The following DIPK2B variants were observed in gnomAD, a reference collection of about 807,000 sequenced individuals.
DIPK2B encodes UPF0672 protein CXorf36.
Under a neutral mutation model 22.2 loss-of-function variants are expected in DIPK2B, and 15 were observed. The observed-to-expected ratio is 0.68, with a 90% CI of 0.45 to 1.04. The LOEUF (loss-of-function observed/expected upper bound fraction) is 1.04, where lower values mean the gene tolerates loss of function less well. Ranked by LOEUF, DIPK2B falls within the 50% of genes least tolerant of loss-of-function variation. The pLI is 0.00. For synonymous variants in DIPK2B, 163 were observed against 153.2 expected, an observed-to-expected ratio of 1.06 and a Z score of -0.47; for missense variants, 345 against 348.3, an observed-to-expected ratio of 0.99 and a Z score of 0.08.
At chrX:45,157,675 T>C in intron 3 of DIPK2B, 40 bp downstream of exon 3, 3 of 1,147,822 alleles carry the variant, frequency 2.6e-6, no homozygotes, top group Non-Finnish European at 2.3e-6. Flanking sequence ...GAGTCCAAGA[T>C]TGACCCCCAA....
intron 2 of DIPK2B, among the ~76,000 whole-genome samples, chrX:45,159,204 T>C (rs1020888743): frequency 2.7e-5 from 3 of 111,467 alleles, no homozygotes; most frequent in Non-Finnish European, 5.7e-5. Context: ...TAAATGAAGG[T>C]ATCTCTGGGA....
At chrX:45,166,614 A>G (rs1317630068) in intron 2 of DIPK2B, among the ~76,000 whole-genome samples, 1 of 111,823 alleles carries the variant, frequency 8.9e-6, no homozygotes, top group Admixed American at 9.5e-5. Flanking sequence ...TTCCATCTTA[A>G]TTGTCCAACT....
intron 1 of DIPK2B, among the ~76,000 whole-genome samples, chrX:45,196,409 A>C (rs2047239599): frequency 9.0e-6 from 1 of 111,602 alleles, no homozygotes; most frequent in Non-Finnish European, 1.9e-5. Context: ...TGATGTGAAG[A>C]AGTGAGTTAA....
At chrX:45,199,751 C>T (rs1434834885) in intron 1 of DIPK2B, among the ~76,000 whole-genome samples, 2 of 111,006 alleles carry the variant, frequency 1.8e-5, no homozygotes, top group Non-Finnish European at 3.8e-5. Context: ...ATAACATGAC[C>T]CCCTTGTCCT....
At chrX:45,198,715 A>G (rs1181126719) in intron 1 of DIPK2B, among the ~76,000 whole-genome samples, 1 of 111,271 alleles carries the variant, frequency 9.0e-6, no homozygotes, top group East Asian at 2.8e-4. Flanking sequence ...TTTAAAAAAT[A>G]TGTCTGCCTT....
Position 45,149,433 on chromosome X carries a change from G to A in DIPK2B, c.*2219C>T. On this transcript the variant is annotated 3_prime_UTR_variant, in exon 5 of 5. Transcript: ENST00000398000. ...TTTCAAAGCGTCTCAGGCAGCCCAA[G>A]CTTGCTGGCCAGTCCACAAGCTTGG... The A allele has an allele frequency of 8.8e-6, 1 of 113,107 alleles. No individual in the cohort carries two copies. The allele number at this position is 113,107 out of a possible 1,213,427, so 9.3% of individuals were successfully genotyped here. A position where few individuals can be genotyped will look rare whatever the true frequency, so the allele number is the denominator to read the frequency against.
chrX:45,196,818 C>G (rs1250777613), intron 1 of DIPK2B, among the ~76,000 whole-genome samples: 2 of 111,892 alleles, frequency 1.8e-5, no homozygotes, highest in East Asian at 2.8e-4. Flanking sequence ...GTATGGCAAT[C>G]AGACTTACTC....
chrX:45,161,213 G>A (rs1023726799), intron 2 of DIPK2B, among the ~76,000 whole-genome samples: 60 of 112,209 alleles, frequency 5.3e-4, no homozygotes, highest in African/African-American at 1.7e-3. Flanking sequence ...ATTGGCCTTC[G>A]ACAGCTATGT....
At chrX:45,185,973 G>A (rs1274103835) in intron 2 of DIPK2B, among the ~76,000 whole-genome samples, 1 of 111,323 alleles carries the variant, frequency 9.0e-6, no homozygotes, top group Admixed American at 9.5e-5. Flanking sequence ...TTTCATTCGT[G>A]AGCTCCATCA....
At chrX:45,155,488 C>T (rs745869640) in intron 3 of DIPK2B, among the ~76,000 whole-genome samples, 7 of 108,112 alleles carry the variant, frequency 6.5e-5, no homozygotes, top group Admixed American at 1.0e-4. Flanking sequence ...ACCTTGTTCT[C>T]GGACAGGGCA....
intron 2 of DIPK2B, among the ~76,000 whole-genome samples, chrX:45,189,704 C>A (rs952778635): frequency 9.0e-6 from 1 of 111,353 alleles, no homozygotes; most frequent in Admixed American, 9.5e-5. Context: ...ACCCTGGGCC[C>A]GCTGTGGAAT....
At chrX:45,197,205 GA>G (rs1402199581) in intron 1 of DIPK2B, among the ~76,000 whole-genome samples, 1 of 92,913 alleles carries the variant, frequency 1.1e-5, no homozygotes, top group Non-Finnish European at 2.3e-5. Context: ...TTTTTTTTTT[GA>G]GAGAGAGTCT....
At chrX:45,162,776 C>T (rs1366007474) in intron 2 of DIPK2B, 3 of 752,486 alleles carry the variant, frequency 4.0e-6, no homozygotes, top group Non-Finnish European at 4.7e-6. Context: ...GCCTGGTTTC[C>T]TCATCCTTGC....
At chrX:45,171,808 C>T (rs1369332835) in intron 2 of DIPK2B, among the ~76,000 whole-genome samples, 2 of 112,633 alleles carry the variant, frequency 1.8e-5, no homozygotes, top group Admixed American at 9.4e-5. Flanking sequence ...CTTAGCTGTT[C>T]GGTGCACAGG....
At position 45,191,978 on chromosome X, in the gene DIPK2B, G is replaced by A; in HGVS notation, c.271C>T (p.Pro91Ser). 8.3e-7 allele frequency: 1 copy of A among 1,211,359 alleles called. No individual in the cohort carries two copies. The highest frequency in any genetic ancestry group is 1.8e-5 in the South Asian group (1 of 56,875). Reference protein sequence around the residue: ...NWLASHLGLPPDSLLSYPANY... With the variant: ...NWLASHLGLPSDSLLSYPANY... ...GCAGGATAAGAAAGCAAGGAATCGG[G>A]AGGCAGTCCAAGGTGGGAAGCCAGC... Residue 91 changes from proline to serine, a missense_variant, in exon 2 of 5, where the codon CCC becomes TCC. Pro to Ser is a moderately conservative substitution (Grantham distance 74). Transcript: ENST00000398000.
At chrX:45,180,399 G>A (rs892563611) in intron 2 of DIPK2B, among the ~76,000 whole-genome samples, 2 of 111,620 alleles carry the variant, frequency 1.8e-5, no homozygotes, top group African/African-American at 6.5e-5. Flanking sequence ...TTCTTGATGA[G>A]TCTCACATAC....
At chrX:45,198,947 G>C (rs767605941) in intron 1 of DIPK2B, among the ~76,000 whole-genome samples, 29 of 110,932 alleles carry the variant, frequency 2.6e-4, no homozygotes, top group Non-Finnish European at 4.7e-4. Flanking sequence ...ATGGCAACTG[G>C]TCTCACAGCC....
intron 2 of DIPK2B, among the ~76,000 whole-genome samples, chrX:45,165,956 A>G (rs945518499): frequency 9.0e-5 from 10 of 111,731 alleles, no homozygotes; most frequent in African/African-American, 3.3e-4. Context: ...TCCATGCCCT[A>G]TGTCCCCTTA....
chrX:45,150,694 G>A lies in DIPK2B; in HGVS notation c.*958C>T, dbSNP rs1231974456. On this transcript the variant is annotated 3_prime_UTR_variant, in exon 5 of 5. Coordinates refer to ENST00000398000, the MANE Select transcript of DIPK2B (RefSeq NM_176819.4). ...GGGGTCTATTTGTGGGAGACACGGG[G>A]CTCTTCTGATGGCTGCCTTTGTCTT... The A allele has an allele frequency of 9.0e-6, 1 of 111,267 alleles. No homozygotes were observed. Among genetic ancestry groups the A allele is most frequent in the African/African-American group, 3.3e-5 (1 of 30,476 alleles). The allele number at this position is 111,267 out of a possible 1,213,427, so 9.2% of individuals were successfully genotyped here. A position where few individuals can be genotyped will look rare whatever the true frequency, so the allele number is the denominator to read the frequency against.
Sources: gnomAD v4.1 joint callset for allele counts (sites outside exome capture counted in the v4.1 genomes callset) on GRCh38, gnomAD v4.1.1 for gene constraint, MANE v1.5 for transcripts, NCBI Gene and HGNC (gene_info 2026-07-23, HGNC 2026-07-21) for gene names.